Variants in WWOX observed in about 807,000 individuals in gnomAD.
WWOX encodes WW domain-containing oxidoreductase.
Under a neutral mutation model 46.2 loss-of-function variants are expected in WWOX, and 69 were observed. The observed-to-expected ratio is 1.49, with a 90% CI of 1.23 to 1.82. The LOEUF is 1.82. WWOX is among the 40% of genes most tolerant of loss of function. WWOX has a pLI of 0.00. For synonymous variants in WWOX, 359 were observed against 202.6 expected, an observed-to-expected ratio of 1.77 and a Z score of -6.56; for missense variants, 919 against 542.6, an observed-to-expected ratio of 1.69 and a Z score of -6.89.
chr16:78,330,812 T>C (rs1054426045), intron 5 of WWOX, among the ~76,000 whole-genome samples: 1 of 152,252 alleles, frequency 6.6e-6, no homozygotes, highest in African/African-American at 2.4e-5. Context: ...ATTTACGACT[T>C]CATTTGTACT....
intron 5 of WWOX, among the ~76,000 whole-genome samples, chr16:78,293,606 C>A (rs1488023032): frequency 6.6e-6 from 1 of 152,120 alleles, no homozygotes; most frequent in Non-Finnish European, 1.5e-5. Flanking sequence ...AAAGTGGAAT[C>A]TCCATTTCAG....
intron 8 of WWOX, among the ~76,000 whole-genome samples, chr16:78,722,358 G>T (rs1208717291): frequency 6.6e-6 from 1 of 152,140 alleles, no homozygotes; most frequent in African/African-American, 2.4e-5. Context: ...AATGGAGATC[G>T]CAGTATCTAA....
chr16:78,454,837 C>G (rs546781453), intron 8 of WWOX, among the ~76,000 whole-genome samples: 1 of 152,116 alleles, frequency 6.6e-6, no homozygotes, highest in Non-Finnish European at 1.5e-5. Context: ...CAATGATGAC[C>G]CAGTTTCAAT....
intron 8 of WWOX, among the ~76,000 whole-genome samples, chr16:79,143,960 A>C (rs779046251): frequency 6.6e-6 from 1 of 152,202 alleles, no homozygotes; most frequent in Non-Finnish European, 1.5e-5. Context: ...GGTGGAGTGC[A>C]GTGGCACAGT....
rs1303818753 is a variant in WWOX at position 79,094,404 on chromosome 16, C to T, written c.1057-117204C>T. Reference sequence around the variant, plus strand: ...AGTTGGGATTACAGGCGCCCGCCACCATGTCCAGCTAATTTTTTTGTATTT... The same window carrying T: ...AGTTGGGATTACAGGCGCCCGCCACTATGTCCAGCTAATTTTTTTGTATTT... On this transcript the variant is annotated intron_variant, in intron 8 of 8. Transcript: ENST00000566780. 1.3e-5 allele frequency among the ~76,000 whole-genome samples: 2 copies of T among 152,036 alleles called. 1 individual carries two copies. Among genetic ancestry groups the T allele is most frequent in the Admixed American group, 1.3e-4 (2 of 15,268 alleles).
chr16:78,891,838 A>C (rs369515132), intron 8 of WWOX: 1 of 152,196 alleles, frequency 6.6e-6, no homozygotes, highest in African/African-American at 2.4e-5. Flanking sequence ...AGGAAAAAAA[A>C]ATTAAACTTT....
intron 8 of WWOX, among the ~76,000 whole-genome samples, chr16:78,996,657 C>T (rs1289828228): frequency 6.6e-6 from 1 of 152,078 alleles, no homozygotes. Context: ...GTGTGCTCTA[C>T]ATCCCCCCAA....
chr16:79,053,924 G>A (rs1222676522), intron 8 of WWOX, among the ~76,000 whole-genome samples: 1 of 151,988 alleles, frequency 6.6e-6, no homozygotes, highest in Non-Finnish European at 1.5e-5. Context: ...AGCTTTCGAA[G>A]AATCTGTGGT....
intron 8 of WWOX, among the ~76,000 whole-genome samples, chr16:78,656,266 G>T (rs886185861): frequency 6.6e-6 from 1 of 152,048 alleles, no homozygotes; most frequent in Non-Finnish European, 1.5e-5. Flanking sequence ...AATGCTATCT[G>T]ATGAGGCCTT....
chr16:78,564,350 C>T (rs1183205436), intron 8 of WWOX, among the ~76,000 whole-genome samples: 1 of 152,124 alleles, frequency 6.6e-6, no homozygotes, highest in African/African-American at 2.4e-5. Context: ...CAGAAGTATT[C>T]AGTTATTTGG....
intron 8 of WWOX, among the ~76,000 whole-genome samples, chr16:78,456,216 A>C (rs980884005): frequency 2.0e-5 from 3 of 152,198 alleles, no homozygotes; most frequent in African/African-American, 7.2e-5. Context: ...GCAGCAACAC[A>C]GTAAGTTGGG....
At chr16:78,960,479 G>A (rs866268625) in intron 8 of WWOX, among the ~76,000 whole-genome samples, 2 of 152,134 alleles carry the variant, frequency 1.3e-5, no homozygotes, top group African/African-American at 4.8e-5. Flanking sequence ...ATTTGCTTTA[G>A]CTTAAATCTA....
At chr16:78,176,884 G>C (rs1023097136) in intron 5 of WWOX, among the ~76,000 whole-genome samples, 1 of 152,186 alleles carries the variant, frequency 6.6e-6, no homozygotes, top group Non-Finnish European at 1.5e-5. Flanking sequence ...AGTGGTCTCC[G>C]TGGTGTTTCA....
At chr16:79,051,392 C>T (rs2048164567) in intron 8 of WWOX, among the ~76,000 whole-genome samples, 1 of 152,176 alleles carries the variant, frequency 6.6e-6, no homozygotes, top group South Asian at 2.1e-4. Flanking sequence ...CCGCTGTCCT[C>T]CAAGTGGTAA....
chr16:78,643,583 G>T (rs1342544560), intron 8 of WWOX, among the ~76,000 whole-genome samples: 1 of 152,190 alleles, frequency 6.6e-6, no homozygotes, highest in Non-Finnish European at 1.5e-5. Flanking sequence ...CCCTGTAGGA[G>T]AGGGAGGTTA....
intron 6 of WWOX, among the ~76,000 whole-genome samples, chr16:78,390,583 TA>T (rs1192790631): frequency 1.1e-4 from 17 of 152,254 alleles, no homozygotes; most frequent in African/African-American, 3.9e-4. Context: ...AAAATATGCA[TA>T]AAAAAGCGAG....
chr16:78,239,778 G>T (rs1194995519), intron 5 of WWOX, among the ~76,000 whole-genome samples: 5 of 152,072 alleles, frequency 3.3e-5, no homozygotes, highest in African/African-American at 1.2e-4. Flanking sequence ...CAGGTGATCC[G>T]CCAGTCTCAA....
At chr16:78,841,472 A>G (rs1020094987) in intron 8 of WWOX, among the ~76,000 whole-genome samples, 4 of 152,202 alleles carry the variant, frequency 2.6e-5, no homozygotes, top group Non-Finnish European at 4.4e-5. Context: ...GAGAATATTT[A>G]CACCATGGAA....
intron 5 of WWOX, among the ~76,000 whole-genome samples, chr16:78,356,516 G>C (rs957302003): frequency 1.2e-4 from 18 of 152,284 alleles, no homozygotes; most frequent in Admixed American, 7.2e-4. Flanking sequence ...CTCATCTCCA[G>C]TGCTCTGAAT....
Sources: allele counts gnomAD v4.1 joint callset (sites outside exome capture counted in the v4.1 genomes callset), GRCh38; gene constraint gnomAD v4.1.1; transcripts MANE v1.5; gene names NCBI Gene and HGNC (gene_info 2026-07-23, HGNC 2026-07-21).